The following TENM2 variants were observed in gnomAD, a reference collection of about 807,000 sequenced individuals.
The protein encoded by TENM2 is teneurin transmembrane protein 2.
In TENM2, 52 loss-of-function variants were observed where a neutral mutation model predicts 245.2. The observed-to-expected ratio is 0.21, with a 90% CI of 0.17 to 0.27. The LOEUF is 0.27. TENM2 is among the 10% of genes least tolerant of loss of function. The pLI is 1.00. For missense variants in TENM2, 3,046 were observed against 3,666.8 expected (o/e 0.83, Z 4.37); for synonymous variants, 1,363 against 1,438.9 (o/e 0.95, Z 1.19).
rs138492384 is a variant in TENM2 at position 167,730,529 on chromosome 5, C to T, written c.503-145457C>T. On this transcript the variant is annotated intron_variant, in intron 2 of 28. Transcript: ENST00000518659. ...CTTTTTGTGAATAGATGATAAAGTG[C>T]TCCTTTATTATATGATAAGACACAG... Among the ~76,000 whole-genome samples, 1,065 of 152,192 alleles carry T rather than the reference C, an allele frequency of 7.0e-3. 9 individuals are homozygous for T. Among genetic ancestry groups the T allele is most frequent in the African/African-American group, 0.024 (1,011 of 41,512 alleles).
chr5:168,031,156 G>A (rs1029592757), intron 5 of TENM2, among the ~76,000 whole-genome samples: 1 of 152,202 alleles, frequency 6.6e-6, no homozygotes, highest in Non-Finnish European at 1.5e-5. Context: ...AGCTTCAAGA[G>A]TCAGTGCAGT....
intron 2 of TENM2, among the ~76,000 whole-genome samples, chr5:167,820,115 G>C (rs1292522382): frequency 6.6e-6 from 1 of 152,104 alleles, no homozygotes; most frequent in Non-Finnish European, 1.5e-5. Flanking sequence ...TCCAGGGAAA[G>C]AGTCCTTTTC....
At chr5:167,412,983 C>T (rs1476404758) in intron 2 of TENM2, among the ~76,000 whole-genome samples, 2 of 151,916 alleles carry the variant, frequency 1.3e-5, no homozygotes, top group African/African-American at 2.4e-5. Context: ...AAATGTTAAT[C>T]CCTTTCAATG....
intron 2 of TENM2, among the ~76,000 whole-genome samples, chr5:167,470,532 T>C (rs1268887668): frequency 6.6e-6 from 1 of 150,406 alleles, no homozygotes; most frequent in Non-Finnish European, 1.5e-5. Flanking sequence ...AGTCTGGCTT[T>C]TATTTTTGCT....
At chr5:167,100,688 A>G in the TENM2 span, among the ~76,000 whole-genome samples, 1 of 141,466 alleles carries the variant, frequency 7.1e-6, no homozygotes, top group South Asian at 2.2e-4. Context: ...TGAGCTTTGG[A>G]TTTTTTTCTT....
At chr5:168,050,208 T>A (rs1788954904) in intron 6 of TENM2, among the ~76,000 whole-genome samples, 1 of 152,156 alleles carries the variant, frequency 6.6e-6, no homozygotes, top group South Asian at 2.1e-4. Context: ...GAAATAAAAT[T>A]TGAAACTTAA....
At chr5:167,990,104 A>G (rs1234779778) in intron 4 of TENM2, among the ~76,000 whole-genome samples, 1 of 152,100 alleles carries the variant, frequency 6.6e-6, no homozygotes, top group Admixed American at 6.5e-5. Context: ...TTGATTTCCT[A>G]TTTTCACTAC....
the TENM2 span, among the ~76,000 whole-genome samples, chr5:167,174,799 G>T: frequency 6.6e-6 from 1 of 151,544 alleles, no homozygotes; most frequent in Non-Finnish European, 1.5e-5. Context: ...TGTATGCTTT[G>T]ACCTACTTCT....
chr5:168,225,727 C>G (rs1764111526), intron 23 of TENM2, among the ~76,000 whole-genome samples: 1 of 148,414 alleles, frequency 6.7e-6, no homozygotes, highest in South Asian at 2.1e-4. Context: ...TGCCACTGCA[C>G]TCCAGCCTGG....
chr5:167,761,098 C>A (rs1022350238), intron 2 of TENM2, among the ~76,000 whole-genome samples: 1 of 152,108 alleles, frequency 6.6e-6, no homozygotes, highest in Non-Finnish European at 1.5e-5. Flanking sequence ...TCTGCTTTTC[C>A]TCTTCTGTCT....
At chr5:168,007,850 T>A (rs987258231) in intron 5 of TENM2, among the ~76,000 whole-genome samples, 2 of 152,214 alleles carry the variant, frequency 1.3e-5, no homozygotes, top group Non-Finnish European at 2.9e-5. Context: ...TTCTTCTAAT[T>A]GAGTGCTTTT....
the TENM2 span, among the ~76,000 whole-genome samples, chr5:167,025,846 C>A: frequency 6.6e-6 from 1 of 152,120 alleles, no homozygotes; most frequent in Non-Finnish European, 1.5e-5. Context: ...TGTATATAAT[C>A]CGCTTCTCAT....
intron 3 of TENM2, among the ~76,000 whole-genome samples, chr5:167,900,933 C>G (rs1775651579): frequency 6.6e-6 from 1 of 151,764 alleles, no homozygotes; most frequent in Non-Finnish European, 1.5e-5. Flanking sequence ...CCTGAGGAGT[C>G]CTGCGGGGTG....
At chr5:167,493,600 A>G (rs1423024435) in intron 2 of TENM2, among the ~76,000 whole-genome samples, 2 of 152,148 alleles carry the variant, frequency 1.3e-5, no homozygotes, top group Non-Finnish European at 2.9e-5. Context: ...TACTATTAAC[A>G]GTGAATGAAT....
intron 4 of TENM2, among the ~76,000 whole-genome samples, chr5:167,978,343 A>G: frequency 6.6e-6 from 1 of 152,230 alleles, no homozygotes; most frequent in East Asian, 1.9e-4. Flanking sequence ...TACTATTTAC[A>G]ATAGTCAAAA....
chr5:167,853,690 C>T (rs1204103389), intron 2 of TENM2, among the ~76,000 whole-genome samples: 1 of 152,122 alleles, frequency 6.6e-6, no homozygotes, highest in Non-Finnish European at 1.5e-5. Context: ...AATGGTCACT[C>T]GGAACCAATT....
intron 2 of TENM2, among the ~76,000 whole-genome samples, chr5:167,566,953 A>G (rs1398487480): frequency 6.6e-6 from 1 of 152,232 alleles, no homozygotes; most frequent in Non-Finnish European, 1.5e-5. Context: ...TGTTCAGCAG[A>G]CAAAAACCAA....
At chr5:167,675,646 A>G (rs747759370) in intron 2 of TENM2, among the ~76,000 whole-genome samples, 11 of 152,096 alleles carry the variant, frequency 7.2e-5, no homozygotes, top group Middle Eastern at 3.2e-3. Flanking sequence ...TAAGGAGGTT[A>G]GAATCCCAGC....
chr5:167,130,903 TTTTTTTTTTAAAA>T, the TENM2 span, among the ~76,000 whole-genome samples: 3 of 148,656 alleles, frequency 2.0e-5, no homozygotes, highest in African/African-American at 7.6e-5. Context: ...TTTTTTTTTT[TTTTTTTTTTAAAA>T]AAAAAAAAGA....
Sources: gnomAD v4.1 joint callset for allele counts (sites outside exome capture counted in the v4.1 genomes callset) on GRCh38, gnomAD v4.1.1 for gene constraint, MANE v1.5 for transcripts, NCBI Gene and HGNC (gene_info 2026-07-23, HGNC 2026-07-21) for gene names.